The following ADK variants were observed in gnomAD, a reference collection of about 807,000 sequenced individuals.
The protein encoded by ADK is N6,N6-dimethyladenosine kinase.
A neutral mutation model predicts 44.7 loss-of-function variants in ADK; 24 were observed. The ratio of observed to expected loss-of-function variants is 0.54; its 90% CI spans 0.39 to 0.76. ADK has a LOEUF of 0.76. Among genes scored for constraint, ADK ranks in the 30% least tolerant of loss-of-function variants. The pLI is 0.00. For synonymous variants in ADK, 128 were observed against 142.6 expected (o/e 0.90, Z 0.73); for missense variants, 321 against 425.1 (o/e 0.76, Z 2.15).
In ADK at chr10:74,232,560, C is replaced by A. The variant is rs796795745; in HGVS notation, c.194+7969C>A. Among the ~76,000 whole-genome samples, 931 of 105,288 alleles carry A rather than the reference C, an allele frequency of 8.8e-3. 12 individuals carry two copies. Among genetic ancestry groups the A allele is most frequent in the African/African-American group, 0.028 (651 of 23,492 alleles). 69.1% of individuals were successfully genotyped at this position (105,288 alleles called of 152,430 possible). A position where few individuals can be genotyped will look rare whatever the true frequency, so the allele number is the denominator to read the frequency against. On this transcript the variant is annotated intron_variant, in intron 3 of 10. Transcript: ENST00000539909. ...ACAACCCCCCCGCACCCCCCCCCCC[C>A]AAAAAAAAACAAACAGAAAATAATT... is the stretch of plus-strand genomic sequence containing the variant.
intron 7 of ADK, among the ~76,000 whole-genome samples, chr10:74,587,102 G>C (rs1851555718): frequency 6.6e-6 from 1 of 152,104 alleles, no homozygotes; most frequent in Admixed American, 6.5e-5. Flanking sequence ...CTCTGATGAA[G>C]TTCCATATAA....
intron 6 of ADK, among the ~76,000 whole-genome samples, chr10:74,424,491 C>T (rs1047326108): frequency 7.1e-5 from 9 of 126,264 alleles, no homozygotes; most frequent in African/African-American, 1.8e-4. Context: ...CCAAGATCCC[C>T]GCCACTGCAC....
At chr10:74,247,167 G>A (rs1182970750) in intron 3 of ADK, among the ~76,000 whole-genome samples, 1 of 147,800 alleles carries the variant, frequency 6.8e-6, no homozygotes, top group East Asian at 2.0e-4. Flanking sequence ...CCAGTTTTTG[G>A]CTTAGCTGAT....
chr10:74,614,071 A>G (rs778656477), intron 9 of ADK, among the ~76,000 whole-genome samples: 11 of 152,326 alleles, frequency 7.2e-5, no homozygotes, highest in Middle Eastern at 3.4e-3. Context: ...ATCACAAAAG[A>G]TAAACTCCTT....
chr10:74,596,685 A>G (rs1430014969), intron 8 of ADK, among the ~76,000 whole-genome samples: 3 of 152,124 alleles, frequency 2.0e-5, no homozygotes, highest in Admixed American at 6.5e-5. Context: ...AGCTGGGACT[A>G]TAGGCGCATG....
chr10:74,335,669 G>A (rs1442956067), intron 4 of ADK, among the ~76,000 whole-genome samples: 3 of 152,116 alleles, frequency 2.0e-5, no homozygotes, highest in Non-Finnish European at 2.9e-5. Context: ...ATATATGAGA[G>A]GTCTAGTGGT....
chr10:74,394,160 A>G lies in ADK; in HGVS notation c.293A>G (p.His98Arg), dbSNP rs377278571. Reference sequence around the variant, plus strand: ...TTACAGTGGATGATTCAACAGCCACACAAAGCAGCAACATTTTTTGGATGC... The same window carrying G: ...TTACAGTGGATGATTCAACAGCCACGCAAAGCAGCAACATTTTTTGGATGC... Reference protein sequence around the residue: ...KVAQWMIQQPHKAATFFGCIG... With the variant: ...KVAQWMIQQPRKAATFFGCIG... Residue 98 changes from histidine (H) to arginine (R), a missense_variant, in exon 5 of 11, where the codon CAC becomes CGC. By Grantham distance (29) the His-to-Arg change is conservative. Coordinates refer to ENST00000539909, the MANE Select transcript of ADK (RefSeq NM_006721.4). The G allele has an allele frequency of 9.1e-5, 147 of 1,613,950 alleles. No individual in the cohort carries two copies. Among genetic ancestry groups the G allele is most frequent in the Non-Finnish European group, 1.2e-4 (140 of 1,179,944 alleles).
At chr10:74,652,835 A>G (rs756118053) in intron 9 of ADK, among the ~76,000 whole-genome samples, 1 of 152,104 alleles carries the variant, frequency 6.6e-6, no homozygotes, top group Non-Finnish European at 1.5e-5. Flanking sequence ...AGCTCATAGC[A>G]AACCAAGCCC....
intron 4 of ADK, among the ~76,000 whole-genome samples, chr10:74,365,400 T>A (rs1357117120): frequency 2.6e-5 from 4 of 152,230 alleles, no homozygotes; most frequent in Non-Finnish European, 5.9e-5. Context: ...CTGTCTGGTC[T>A]TTTACTTAGA....
At chr10:74,555,672 T>C (rs994025064) in intron 7 of ADK, among the ~76,000 whole-genome samples, 1 of 152,112 alleles carries the variant, frequency 6.6e-6, no homozygotes, top group African/African-American at 2.4e-5. Context: ...ATGTATACTG[T>C]TATGAATATC....
intron 2 of ADK, among the ~76,000 whole-genome samples, chr10:74,221,920 A>G (rs1465360302): frequency 2.0e-5 from 3 of 152,242 alleles, no homozygotes; most frequent in South Asian, 2.1e-4. Context: ...TAAAAACCCT[A>G]GAGGAAAACC....
chr10:74,550,837 T>C (rs1208199732), intron 7 of ADK, among the ~76,000 whole-genome samples: 2 of 152,204 alleles, frequency 1.3e-5, no homozygotes, highest in Non-Finnish European at 2.9e-5. Context: ...TATAATCATA[T>C]GCTATGCTCA....
chr10:74,177,627 T>C (rs550511024), intron 1 of ADK, among the ~76,000 whole-genome samples: 5 of 152,324 alleles, frequency 3.3e-5, no homozygotes, highest in African/African-American at 1.2e-4. Context: ...TTCAACTATT[T>C]ATAAAAAGAG....
chr10:74,208,280 G>A (rs559346852), intron 2 of ADK, among the ~76,000 whole-genome samples: 1 of 152,378 alleles, frequency 6.6e-6, no homozygotes, highest in South Asian at 2.1e-4. Flanking sequence ...CAACTTGGAA[G>A]TGGGTGTGGC....
At chr10:74,594,414 A>G (rs1851825200) in intron 8 of ADK, among the ~76,000 whole-genome samples, 1 of 143,426 alleles carries the variant, frequency 7.0e-6, no homozygotes, top group South Asian at 2.1e-4. Context: ...AAAAAAAATT[A>G]AAATGCTACA....
chr10:74,562,479 A>C (rs2133820532), intron 7 of ADK, among the ~76,000 whole-genome samples: 1 of 152,316 alleles, frequency 6.6e-6, no homozygotes, highest in Middle Eastern at 3.4e-3. Context: ...TTCACTGATT[A>C]GCAGTTTACA....
At chr10:74,162,523 G>C (rs913966037) in intron 1 of ADK, among the ~76,000 whole-genome samples, 1 of 11,508 alleles carries the variant, frequency 8.7e-5, no homozygotes, top group African/African-American at 1.4e-4. Flanking sequence ...CATTTCTTTT[G>C]TGTGTGTGTG....
chr10:74,345,415 C>T lies in ADK; in HGVS notation c.273+30670C>T, dbSNP rs569757773. The stretch of plus-strand genomic sequence containing the variant: ...CTCTGATTCCCAGGTTTAAGTGATC[C>T]TCCCACCTCAGTCTCCTGAGTAGCT... On this transcript the variant is annotated intron_variant, in intron 4 of 10. Coordinates refer to ENST00000539909, the MANE Select transcript of ADK (RefSeq NM_006721.4). 5.9e-5 allele frequency among the ~76,000 whole-genome samples: 9 copies of T among 152,102 alleles called. No individual in the cohort carries two copies. The South Asian group carries it at 1.2e-3, about 21-fold the overall frequency.
At chr10:74,241,753 A>G (rs1845218139) in intron 3 of ADK, among the ~76,000 whole-genome samples, 1 of 152,196 alleles carries the variant, frequency 6.6e-6, no homozygotes, top group Non-Finnish European at 1.5e-5. Context: ...CCCAGGCTGG[A>G]GTGCAGTGAT....
Sources: gnomAD v4.1 joint callset for allele counts (sites outside exome capture counted in the v4.1 genomes callset) on GRCh38, gnomAD v4.1.1 for gene constraint, MANE v1.5 for transcripts, NCBI Gene and HGNC (gene_info 2026-07-23, HGNC 2026-07-21) for gene names.